C12orf43: variants seen among roughly 807,000 people sequenced by gnomAD.
C12orf43 encodes chromosome 12 open reading frame 43.
Under a neutral mutation model 20.6 loss-of-function variants are expected in C12orf43, and 15 were observed. The observed-to-expected ratio is 0.73, with a 90% CI of 0.49 to 1.12. The LOEUF (loss-of-function observed/expected upper bound fraction) is 1.12. C12orf43 is among the 50% of genes most tolerant of loss of function. The pLI is 0.00. For synonymous variants in C12orf43, 144 were observed against 130.8 expected (o/e 1.10, Z -0.69); for missense variants, 334 against 344.4 (o/e 0.97, Z 0.24).
chr12:121,015,738 G>A (rs778431041), intron 1 of C12orf43, among the ~76,000 whole-genome samples: 1 of 152,234 alleles, frequency 6.6e-6, no homozygotes, highest in Non-Finnish European at 1.5e-5. Flanking sequence ...TTGGGATAAA[G>A]TAACGGCATT....
chr12:121,003,915 A>C lies in C12orf43; in HGVS notation c.*238T>G. ...GTTCTGGAACCACAGCGCCCCCGCC[A>C]GCCCTCCGTGGGAGCACAGAGGGGC... On this transcript the variant is annotated 3_prime_UTR_variant, in exon 6 of 6. Transcript: ENST00000288757. 1 of 585,978 alleles carries C rather than the reference A, an allele frequency of 1.7e-6. No individual in the cohort carries two copies. Among genetic ancestry groups the C allele is most frequent in the Non-Finnish European group, 3.0e-6 (1 of 327,886 alleles). 36.3% of individuals were successfully genotyped at this position (585,978 alleles called of 1,614,324 possible). A position where few individuals can be genotyped will look rare whatever the true frequency, so the allele number is the denominator to read the frequency against.
rs1592901714 is a variant in C12orf43, at chr12:121,001,821, A to G, written c.*2332T>C. The G allele has an allele frequency of 1.9e-6, 1 of 535,172 alleles. No individual in the cohort carries two copies. The highest frequency in any genetic ancestry group is 3.9e-5 in the East Asian group (1 of 25,780). 33.2% of individuals were successfully genotyped at this position (535,172 alleles called of 1,614,324 possible). A position where few individuals can be genotyped will look rare whatever the true frequency, so the allele number is the denominator to read the frequency against. ...CCTGAGCCCAGGGAGGCCGAAGCTA[A>G]CAGGGAAGGCAGGCAGGGCTCTCCT... On this transcript the variant is annotated 3_prime_UTR_variant, in exon 6 of 6. Transcript: ENST00000288757.
intron 3 of C12orf43, chr12:121,006,923 C>G (rs1878072322): frequency 6.5e-6 from 1 of 154,542 alleles, no homozygotes; most frequent in South Asian, 2.0e-4. Context: ...GGTGACAGAG[C>G]AAGACTCCAT....
intron 1 of C12orf43, chr12:121,012,678 C>G: frequency 2.2e-6 from 1 of 453,514 alleles, no homozygotes; most frequent in Non-Finnish European, 4.1e-6. Context: ...TGGTGAAACC[C>G]CATCTCTACT....
chr12:121,013,390 G>A (rs1319671900), intron 1 of C12orf43, among the ~76,000 whole-genome samples: 1 of 152,238 alleles, frequency 6.6e-6, no homozygotes, highest in South Asian at 2.1e-4. Context: ...GTGTGATGCC[G>A]GGCAAGTCAC....
In C12orf43 at chr12:121,001,020, TGTGGGTGCCTG is replaced by T. The variant is rs780392217; in HGVS notation, c.*3122_*3132del. 2 of 1,608,724 alleles carry T rather than the reference TGTGGGTGCCTG, an allele frequency of 1.2e-6. No individual in the cohort carries two copies. Among genetic ancestry groups the T allele is most frequent in the African/African-American group, 2.7e-5 (2 of 74,936 alleles). On this transcript the variant is annotated 3_prime_UTR_variant, in exon 6 of 6. Transcript: ENST00000288757. ...CCTAGGGACAGGCAGGTGGGGTGGG[TGTGGGTGCCTG>T]GTGGGTGGCTAGCAGCCTTGTTTGC...
rs1164154471 is a variant in C12orf43, at chr12:121,002,593, G to A, written c.*1560C>T. 2 of 414,788 alleles carry A rather than the reference G, an allele frequency of 4.8e-6. No individual in the cohort carries two copies. Among genetic ancestry groups the A allele is most frequent in the African/African-American group, 4.2e-5 (2 of 47,970 alleles). The allele number at this position is 414,788 out of a possible 1,614,324, so 25.7% of individuals were successfully genotyped here. On this transcript the variant is annotated 3_prime_UTR_variant, in exon 6 of 6. Coordinates refer to ENST00000288757, the MANE Select transcript of C12orf43 (RefSeq NM_022895.3). Reference sequence around the variant, plus strand: ...GGGGCAGGCCAGAGGCCTGCGAAGAGGAGACAGGCTCCAGCACCCACGCTC... The same window carrying A: ...GGGGCAGGCCAGAGGCCTGCGAAGAAGAGACAGGCTCCAGCACCCACGCTC...
At chr12:121,012,469 G>C in intron 1 of C12orf43, 1 of 702,638 alleles carries the variant, frequency 1.4e-6, no homozygotes, top group South Asian at 1.5e-5. Context: ...TGTGCAGCGT[G>C]AGACTGTTGG....
chr12:121,000,572 G>C lies in C12orf43; in HGVS notation c.*3581C>G, dbSNP rs1282940507. On this transcript the variant is annotated 3_prime_UTR_variant, in exon 6 of 6. Coordinates refer to ENST00000288757, the MANE Select transcript of C12orf43 (RefSeq NM_022895.3). ...CTGGCAGGCCTGAAATCTGTTGCTG[G>C]CAGCTCTGGGGAGTGAATTCTGCAG... 1 of 210,064 alleles carries C rather than the reference G, an allele frequency of 4.8e-6. No homozygotes were observed. The highest frequency in any genetic ancestry group is 9.7e-6 in the Non-Finnish European group (1 of 102,998). 13.0% of individuals were successfully genotyped at this position (210,064 alleles called of 1,614,324 possible).
At position 121,005,046 on chromosome 12, in the gene C12orf43, C is replaced by G; in HGVS notation, c.409G>C (p.Glu137Gln). 1 of 1,516,716 alleles carries G rather than the reference C, an allele frequency of 6.6e-7. No homozygotes were observed. Among genetic ancestry groups the G allele is most frequent in the Non-Finnish European group, 8.9e-7 (1 of 1,128,196 alleles). The allele number at this position is 1,516,716 out of a possible 1,614,324, so 94.0% of individuals were successfully genotyped here. The part of the protein sequence containing the change: ...TSVPGGREKE[E>Q]SPQPRRKRQP... Reference sequence around the variant, plus strand: ...CGCTTTCGGCGGGGTTGGGGAGACTCTTCCTTCTCACGGCCTCCAGGGACA... The same window carrying G: ...CGCTTTCGGCGGGGTTGGGGAGACTGTTCCTTCTCACGGCCTCCAGGGACA... The change falls in exon 5 of 6, where the codon GAG becomes CAG. Residue 137 changes from glutamate (E) to glutamine (Q), a missense_variant. Glu to Gln is a conservative substitution (Grantham distance 29). Coordinates refer to ENST00000288757, the MANE Select transcript of C12orf43 (RefSeq NM_022895.3). This position sits in a 1 kb window ranked among gnomAD's most constrained non-coding sequence, Gnocchi z 5.6.
intron 3 of C12orf43, among the ~76,000 whole-genome samples, chr12:121,010,300 C>G (rs1422731183): frequency 6.6e-6 from 1 of 152,192 alleles, no homozygotes; most frequent in Non-Finnish European, 1.5e-5. Flanking sequence ...GAGTGAGACT[C>G]TGTCTCAAAA....
intron 1 of C12orf43, among the ~76,000 whole-genome samples, chr12:121,013,153 A>C (rs1868551430): frequency 6.6e-6 from 1 of 152,164 alleles, no homozygotes; most frequent in Non-Finnish European, 1.5e-5. Flanking sequence ...TCCAGAGCAC[A>C]ACACAGAATG....
chr12:121,005,698 G>A lies in C12orf43; in HGVS notation c.362-605C>T, dbSNP rs147141368. Among the ~76,000 whole-genome samples, 540 of 152,316 alleles carry A rather than the reference G, an allele frequency of 3.5e-3. 3 individuals carry two copies. The highest frequency in any genetic ancestry group is 0.012 in the African/African-American group (512 of 41,574). ...TGCTCAGGGTGACACAGACGAGGCC[G>A]CCTCAGGCAAATGACTTCGTTTCTC... is the stretch of plus-strand genomic sequence containing the variant. On this transcript the variant is annotated intron_variant, in intron 4 of 5. Coordinates refer to ENST00000288757, the MANE Select transcript of C12orf43 (RefSeq NM_022895.3). The surrounding 1 kb of genome is among the most constrained non-coding windows in gnomAD (Gnocchi z 5.6).
At chr12:121,014,843 T>C (rs1462956752) in intron 1 of C12orf43, among the ~76,000 whole-genome samples, 1 of 151,512 alleles carries the variant, frequency 6.6e-6, no homozygotes, top group Non-Finnish European at 1.5e-5. Context: ...GCTGGGACTA[T>C]ACATCTGTAG....
In C12orf43 at chr12:121,006,397, A is replaced by G. The variant is rs1878025518; in HGVS notation, c.288-3T>C. 9.9e-6 allele frequency: 16 copies of G among 1,613,660 alleles called. No individual in the cohort carries two copies. The highest frequency in any genetic ancestry group is 1.4e-5 in the Non-Finnish European group (16 of 1,179,598). ...CTGCTTCTGAGATGGTAATGAAGCTACAGGGAGACGAGACGGTTGATTTAA... is the reference window on the plus strand; with the variant it reads ...CTGCTTCTGAGATGGTAATGAAGCTGCAGGGAGACGAGACGGTTGATTTAA... On this transcript the variant is annotated splice_polypyrimidine_tract_variant and splice_region_variant and intron_variant, in intron 3 of 5. Transcript: ENST00000288757.
Position 121,016,479 on chromosome 12 carries a change from A to G in C12orf43, c.-5T>C. The G allele has an allele frequency of 6.2e-7, 1 of 1,613,964 alleles. No homozygotes were observed. The highest frequency in any genetic ancestry group is 8.5e-7 in the Non-Finnish European group (1 of 1,180,014). Reference sequence around the variant, plus strand: ...TGTGCCACTGGGCGCCGCCATCTTGAACCACCGCAAAGGATTGTGGAGAAC... The same window carrying G: ...TGTGCCACTGGGCGCCGCCATCTTGGACCACCGCAAAGGATTGTGGAGAAC... On this transcript the variant is annotated 5_prime_UTR_variant, in exon 1 of 6. Transcript: ENST00000288757.
Position 121,005,991 on chromosome 12 carries a change from C to T in C12orf43, c.361+330G>A. Reference sequence around the variant, plus strand: ...CAGAACTTTGGAAGGCTAAGGTGGGCAGATGGCTTGAGGCCAGGAGTTCAA... The same window carrying T: ...CAGAACTTTGGAAGGCTAAGGTGGGTAGATGGCTTGAGGCCAGGAGTTCAA... On this transcript the variant is annotated intron_variant, in intron 4 of 5. Transcript: ENST00000288757. This position sits in a 1 kb window ranked among gnomAD's most constrained non-coding sequence, Gnocchi z 5.6. The T allele has an allele frequency of 4.5e-6, 1 of 223,668 alleles. No homozygotes were observed. Among genetic ancestry groups the T allele is most frequent in the Non-Finnish European group, 8.8e-6 (1 of 113,280 alleles). The allele number at this position is 223,668 out of a possible 1,614,324, so 13.9% of individuals were successfully genotyped here. A position where few individuals can be genotyped will look rare whatever the true frequency, so the allele number is the denominator to read the frequency against.
In C12orf43 at chr12:121,001,067, T is replaced by C; in HGVS notation, c.*3086A>G. On this transcript the variant is annotated 3_prime_UTR_variant, in exon 6 of 6. Coordinates refer to ENST00000288757, the MANE Select transcript of C12orf43 (RefSeq NM_022895.3). ...AGCAGCCTTGTTTGCCTCTGCAGTG[T>C]CCTCCAGCAGCCTGGTGCTGTACCA... 1 of 1,613,268 alleles carries C rather than the reference T, an allele frequency of 6.2e-7. No homozygotes were observed. Among genetic ancestry groups the C allele is most frequent in the South Asian group, 1.1e-5 (1 of 91,082 alleles).
chr12:121,001,172 A>G lies in C12orf43; in HGVS notation c.*2981T>C. 1.2e-6 allele frequency: 2 copies of G among 1,614,062 alleles called. No individual in the cohort carries two copies. The highest frequency in any genetic ancestry group is 1.7e-6 in the Non-Finnish European group (2 of 1,179,996). ...CATCGAGACCTTCATCTCCACCCAG[A>G]TGGCCTCTTCCTCCCAGTAACCACG... On this transcript the variant is annotated 3_prime_UTR_variant, in exon 6 of 6. Coordinates refer to ENST00000288757, the MANE Select transcript of C12orf43 (RefSeq NM_022895.3).
Sources: allele counts gnomAD v4.1 joint callset (sites outside exome capture counted in the v4.1 genomes callset), GRCh38; gene constraint gnomAD v4.1.1; non-coding constraint Gnocchi (gnomAD v3.1); transcripts MANE v1.5; gene names NCBI Gene and HGNC (gene_info 2026-07-23, HGNC 2026-07-21).